The following CPM variants were observed in gnomAD, a reference collection of about 807,000 sequenced individuals.
The protein encoded by CPM is carboxypeptidase M, also known as renal carboxypeptidase.
CPM carries 35 observed loss-of-function variants against 46.4 expected under a neutral mutation model. The ratio of observed to expected loss-of-function variants is 0.75; its 90% CI spans 0.58 to 1.00. CPM has a LOEUF of 1.00. CPM is among the 50% of genes least tolerant of loss of function. The pLI is 0.00. For synonymous variants in CPM, 195 were observed against 195.3 expected (o/e 1.00, Z 0.01); for missense variants, 422 against 530.4 (o/e 0.80, Z 2.01).
chr12:68,861,164 G>A (rs1396895447), intron 7 of CPM, among the ~76,000 whole-genome samples: 1 of 152,106 alleles, frequency 6.6e-6, no homozygotes, highest in Non-Finnish European at 1.5e-5. Flanking sequence ...GGGATTATAG[G>A]TGTGAGCCAC....
chr12:68,882,305 T>C (rs1212348406), intron 3 of CPM, among the ~76,000 whole-genome samples: 2 of 152,102 alleles, frequency 1.3e-5, no homozygotes, highest in African/African-American at 4.8e-5. Flanking sequence ...GTGTATCCAA[T>C]GTTTAGTTCC....
At chr12:68,890,381 AC>A (rs1328181823) in intron 2 of CPM, among the ~76,000 whole-genome samples, 9 of 150,332 alleles carry the variant, frequency 6.0e-5, no homozygotes, top group African/African-American at 2.0e-4. Flanking sequence ...AAAAAAAAAA[AC>A]CAAACCCTAT....
At chr12:68,842,554 A>G in intron 5 of CPM, 1 of 349,830 alleles carries the variant, frequency 2.9e-6, no homozygotes, top group Non-Finnish European at 5.6e-6. Flanking sequence ...TGGATGTTTG[A>G]TCGCATCTCA....
At position 68,909,899 on chromosome 12, in the gene CPM, T is replaced by C. The variant is rs574394903; in HGVS notation, c.160+22779A>G. ...ATACCTAATGTAGGTGACGGGTTGA[T>C]GGGTGCAGCAAACCACCATGGCACA... On this transcript the variant is annotated intron_variant, in intron 2 of 8. Coordinates refer to ENST00000551568, the MANE Select transcript of CPM (RefSeq NM_198320.5). Among the ~76,000 whole-genome samples, 4 of 151,744 alleles carry C rather than the reference T, an allele frequency of 2.6e-5. No homozygotes were observed. The East Asian group carries it at 5.8e-4, about 22-fold the overall frequency.
At chr12:68,906,340 A>C (rs1023273803) in intron 2 of CPM, among the ~76,000 whole-genome samples, 68 of 152,202 alleles carry the variant, frequency 4.5e-4, no homozygotes, top group Non-Finnish European at 8.2e-4. Flanking sequence ...ATTTTTCACA[A>C]ATACCTCAGC....
intron 2 of CPM, among the ~76,000 whole-genome samples, chr12:68,901,520 CCTCT>C (rs962450812): frequency 2.0e-5 from 3 of 152,186 alleles, no homozygotes; most frequent in African/African-American, 4.8e-5. Context: ...CTTTATTAAA[CCTCT>C]CTATTTGGAA....
intron 1 of CPM, among the ~76,000 whole-genome samples, chr12:68,944,587 A>G (rs1888815847): frequency 6.6e-6 from 1 of 152,096 alleles, no homozygotes; most frequent in Non-Finnish European, 1.5e-5. Flanking sequence ...TTTTGTAGAT[A>G]TGGGGCCTCA....
chr12:68,903,879 A>T (rs1363170560), intron 2 of CPM, among the ~76,000 whole-genome samples: 3 of 139,946 alleles, frequency 2.1e-5, no homozygotes, highest in Non-Finnish European at 3.1e-5. Flanking sequence ...CCTTTCTCTC[A>T]TTCTTTCTTT....
intron 1 of CPM, 97 bp from the exon 2 acceptor site, chr12:68,932,937 G>A: frequency 1.8e-6 from 2 of 1,107,022 alleles, no homozygotes; most frequent in Non-Finnish European, 2.6e-6. Flanking sequence ...AGGGTCTCCC[G>A]ACACTGACGC....
chr12:68,892,644 G>A (rs926263649), intron 2 of CPM, among the ~76,000 whole-genome samples: 2 of 152,182 alleles, frequency 1.3e-5, no homozygotes, highest in African/African-American at 4.8e-5. Context: ...CGGATCACCT[G>A]AGGTTGGGAG....
chr12:68,863,828 A>G (rs1369110650), intron 7 of CPM, among the ~76,000 whole-genome samples: 1 of 152,178 alleles, frequency 6.6e-6, no homozygotes, highest in Admixed American at 6.5e-5. Context: ...GTAAAATGGA[A>G]CCAGTAAATG....
intron 4 of CPM, 120 bp from the exon 5 acceptor site, chr12:68,870,519 G>A: frequency 1.2e-6 from 1 of 827,876 alleles, no homozygotes; most frequent in Non-Finnish European, 1.9e-6. Flanking sequence ...TGGGTGTGGT[G>A]GATGGCTGCC....
intron 2 of CPM, among the ~76,000 whole-genome samples, chr12:68,907,242 T>G (rs1887389948): frequency 6.6e-6 from 1 of 152,130 alleles, no homozygotes; most frequent in South Asian, 2.1e-4. Context: ...CTCATCAGAG[T>G]ATAATTCTTT....
intron 2 of CPM, among the ~76,000 whole-genome samples, chr12:68,908,992 T>C (rs78968051): frequency 0.011 from 1,744 of 152,358 alleles, 46 homozygotes; most frequent in African/African-American, 0.04. Flanking sequence ...TCTGGGGCAG[T>C]ACCTCAATGT....
At chr12:68,892,839 T>C (rs957363312) in intron 2 of CPM, among the ~76,000 whole-genome samples, 1 of 151,610 alleles carries the variant, frequency 6.6e-6, no homozygotes, top group Non-Finnish European at 1.5e-5. Context: ...GCAAAACTCG[T>C]CTCAAAACAA....
At chr12:68,948,387 C>G (rs2136334014) in intron 1 of CPM, among the ~76,000 whole-genome samples, 1 of 152,204 alleles carries the variant, frequency 6.6e-6, no homozygotes. Flanking sequence ...ACATGAGAGA[C>G]TGACATGAAA....
chr12:68,869,491 A>C lies in CPM; in HGVS notation c.621T>G (p.Thr207=). The change falls in exon 6 of 9, where the codon ACT becomes ACG. Residue 207 remains threonine (T), a synonymous_variant. Transcript: ENST00000551568. The part of the protein sequence containing the change: ...SYPFDNGVQA[T]GALYSRSLTP... ...TTAAGCTTCGGGAGTATAATGCCCC[A>C]GTTGCTGCATTTAAAAGATGAACCA... 6.2e-7 allele frequency: 1 copy of C among 1,600,302 alleles called. No individual in the cohort carries two copies.
In CPM at chr12:68,858,934, A is replaced by G. The variant is rs1192233472; in HGVS notation, c.1078T>C (p.Tyr360His). ...EYYLLLLPGSYIINVTVPGHD... is the reference protein window; with the variant it reads ...EYYLLLLPGSHIINVTVPGHD... ...CATTGCATACTTACATTTATTATAT[A>G]AGACCCAGGCAAGAGAAGGAGATAA... is the stretch of plus-strand genomic sequence containing the variant. Residue 360 changes from tyrosine to histidine, a missense_variant, in exon 8 of 9, where the codon TAT becomes CAT. Tyr to His is a moderately conservative substitution (Grantham distance 83). Transcript: ENST00000551568. 1 of 1,496,134 alleles carries G rather than the reference A, an allele frequency of 6.7e-7. No individual in the cohort carries two copies. The highest frequency in any genetic ancestry group is 8.9e-7 in the Non-Finnish European group (1 of 1,121,200). 92.7% of individuals were successfully genotyped at this position (1,496,134 alleles called of 1,614,324 possible).
At position 68,879,793 on chromosome 12, in the gene CPM, A is replaced by G. The variant is rs562605286; in HGVS notation, c.258+5999T>C. ...ATTTTTTCTGCAAAATTTGAAAAAC[A>G]TGGGATAGAAGATAAGCACAAAACA... is the stretch of plus-strand genomic sequence containing the variant. On this transcript the variant is annotated intron_variant, in intron 3 of 8. Transcript: ENST00000551568. Among the ~76,000 whole-genome samples the G allele has an allele frequency of 2.6e-5, 4 of 152,310 alleles. No individual in the cohort carries two copies. In the South Asian group the frequency reaches 8.3e-4, roughly 32 times the overall value.
Sources: allele counts gnomAD v4.1 joint callset (sites outside exome capture counted in the v4.1 genomes callset), GRCh38; gene constraint gnomAD v4.1.1; transcripts MANE v1.5; gene names NCBI Gene and HGNC (gene_info 2026-07-23, HGNC 2026-07-21).